The following MYO10 variants were observed in gnomAD, a reference collection of about 807,000 sequenced individuals.
MYO10 encodes the protein myosin X, also known as unconventional myosin-X.
MYO10 carries 133 observed loss-of-function variants against 257.3 expected under a neutral mutation model. The observed-to-expected ratio is 0.52, with a 90% CI of 0.45 to 0.60. The LOEUF (loss-of-function observed/expected upper bound fraction) is 0.60, where lower values mean the gene tolerates loss of function less well. MYO10 is among the 20% of genes least tolerant of loss of function. MYO10 has a pLI of 0.00. For synonymous variants in MYO10, 1,104 were observed against 1,028.6 expected, an observed-to-expected ratio of 1.07 and a Z score of -1.40; for missense variants, 2,399 against 2,635.7, an observed-to-expected ratio of 0.91 and a Z score of 1.97.
At chr5:16,704,995 C>G (rs1225256774) in intron 21 of MYO10, among the ~76,000 whole-genome samples, 1 of 152,194 alleles carries the variant, frequency 6.6e-6, no homozygotes, top group Non-Finnish European at 1.5e-5. Flanking sequence ...CTAAGCTTCT[C>G]AACACTTAAC....
Position 16,712,321 on chromosome 5 carries a change from T to C in MYO10, c.1930-1076A>G, listed in dbSNP as rs146689941. ...GACTTAATGCTCTGAAATGTGTTCTTTTATTTGTTCAGCTGCCAAACAAAC... is the reference window on the plus strand; with the variant it reads ...GACTTAATGCTCTGAAATGTGTTCTCTTATTTGTTCAGCTGCCAAACAAAC... On this transcript the variant is annotated intron_variant, in intron 19 of 40. Coordinates refer to ENST00000513610, the MANE Select transcript of MYO10 (RefSeq NM_012334.3). Among the ~76,000 whole-genome samples the C allele has an allele frequency of 7.0e-3, 1,070 of 152,322 alleles. 4 individuals are homozygous for C. The highest frequency in any genetic ancestry group is 0.012 in the South Asian group (60 of 4,826).
intron 26 of MYO10, among the ~76,000 whole-genome samples, chr5:16,695,783 A>ATG (rs1228141853): frequency 6.6e-6 from 1 of 151,998 alleles, no homozygotes; most frequent in Non-Finnish European, 1.5e-5. Context: ...TAAAGTAAGT[A>ATG]TAATCCTATC....
In MYO10 at chr5:16,670,917, GCAAGAACCTGGAGGTTTT is replaced by G; in HGVS notation, c.5474_5491del (p.Glu1825_Leu1830del). On this transcript the variant is annotated inframe_deletion, in exon 39 of 41. Coordinates refer to ENST00000513610, the MANE Select transcript of MYO10 (RefSeq NM_012334.3). The stretch of plus-strand genomic sequence containing the variant: ...CTGCAGATACTGGAGTCGCAGGGCA[GCAAGAACCTGGAGGTTTT>G]CTTCCGGGGCTGGATGGTGGCCATG... The G allele has an allele frequency of 6.2e-7, 1 of 1,613,834 alleles. No individual in the cohort carries two copies. The highest frequency in any genetic ancestry group is 8.5e-7 in the Non-Finnish European group (1 of 1,179,772).
rs574948897 is a variant in MYO10 at position 16,760,270 on chromosome 5, C to T, written c.1739+1194G>A. 1.6e-3 allele frequency among the ~76,000 whole-genome samples: 231 copies of T among 143,244 alleles called. 1 individual carries two copies. Among genetic ancestry groups the T allele is most frequent in the African/African-American group, 5.6e-3 (214 of 37,908 alleles). 94.0% of individuals were successfully genotyped at this position (143,244 alleles called of 152,430 possible). A position where few individuals can be genotyped will look rare whatever the true frequency, so the allele number is the denominator to read the frequency against. On this transcript the variant is annotated intron_variant, in intron 17 of 40. Coordinates refer to ENST00000513610, the MANE Select transcript of MYO10 (RefSeq NM_012334.3). ...ATGGAGACCATCCTGGCTGACATGGCGAAACCCTGTCTCTACTAAAGATAC... is the reference window on the plus strand; with the variant it reads ...ATGGAGACCATCCTGGCTGACATGGTGAAACCCTGTCTCTACTAAAGATAC...
At chr5:16,799,017 T>C (rs1225585237) in intron 3 of MYO10, among the ~76,000 whole-genome samples, 2 of 152,214 alleles carry the variant, frequency 1.3e-5, no homozygotes, top group Admixed American at 1.3e-4. Flanking sequence ...TCATTTTGCA[T>C]GCCCCATTCA....
chr5:16,756,363 G>T (rs1740528782), intron 18 of MYO10, among the ~76,000 whole-genome samples: 1 of 152,146 alleles, frequency 6.6e-6, no homozygotes, highest in African/African-American at 2.4e-5. Context: ...ACCATGCCCA[G>T]CCCATAAATT....
chr5:16,727,111 T>G (rs1048377878), intron 19 of MYO10, among the ~76,000 whole-genome samples: 3 of 152,218 alleles, frequency 2.0e-5, no homozygotes, highest in African/African-American at 7.2e-5. Flanking sequence ...TTAATCATTT[T>G]GAAATTTATT....
intron 17 of MYO10, among the ~76,000 whole-genome samples, chr5:16,760,688 G>A (rs904786406): frequency 6.6e-6 from 1 of 152,092 alleles, no homozygotes; most frequent in Admixed American, 6.6e-5. Flanking sequence ...AACCAAGGCT[G>A]AAATCAGCTT....
At chr5:16,880,774 T>C (rs1744735411) in intron 1 of MYO10, among the ~76,000 whole-genome samples, 1 of 152,226 alleles carries the variant, frequency 6.6e-6, no homozygotes, top group African/African-American at 2.4e-5. Flanking sequence ...TCAGTCCTGA[T>C]TTCTTTATTA....
intron 27 of MYO10, 27 bp downstream of exon 27, chr5:16,694,344 G>A (rs372376149): frequency 9.1e-5 from 147 of 1,612,990 alleles, no homozygotes; most frequent in Non-Finnish European, 1.1e-4. Flanking sequence ...GCAACCCATC[G>A]GGCCACAGCC....
intron 18 of MYO10, among the ~76,000 whole-genome samples, chr5:16,756,615 T>C (rs2126644776): frequency 6.6e-6 from 1 of 152,296 alleles, no homozygotes; most frequent in South Asian, 2.1e-4. Context: ...CGGCCCTTCA[T>C]ATTTTGATAC....
chr5:16,786,193 G>A (rs1741574701), intron 4 of MYO10, among the ~76,000 whole-genome samples: 1 of 152,090 alleles, frequency 6.6e-6, no homozygotes, highest in Non-Finnish European at 1.5e-5. Flanking sequence ...TGTCATAGCA[G>A]CCAGCCTACC....
intron 18 of MYO10, among the ~76,000 whole-genome samples, chr5:16,755,965 T>C (rs911150738): frequency 6.6e-6 from 1 of 152,178 alleles, no homozygotes; most frequent in Non-Finnish European, 1.5e-5. Flanking sequence ...TCATCACACC[T>C]GAAAAGATGA....
intron 32 of MYO10, among the ~76,000 whole-genome samples, chr5:16,680,543 G>A (rs1051109844): frequency 3.3e-5 from 5 of 152,106 alleles, no homozygotes; most frequent in Admixed American, 3.3e-4. Context: ...TGTGAGTTCA[G>A]AGGCAAGCTG....
chr5:16,829,690 G>A (rs917656460), intron 2 of MYO10, among the ~76,000 whole-genome samples: 3 of 152,150 alleles, frequency 2.0e-5, no homozygotes, highest in Non-Finnish European at 4.4e-5. Context: ...ACATCCAGGG[G>A]CTAGTGTGCC....
chr5:16,869,925 AAGGGGG>A (rs373571341), intron 2 of MYO10, among the ~76,000 whole-genome samples: 3,163 of 105,856 alleles, frequency 0.03, 80 homozygotes, highest in South Asian at 0.037. Context: ...AGGGAAGGGG[AAGGGGG>A]AGGGGGAGGG....
intron 2 of MYO10, among the ~76,000 whole-genome samples, chr5:16,823,467 G>GGTTTTTTTTTTTTTTTT (rs1561003861): frequency 2.5e-4 from 1 of 3,978 alleles, no homozygotes; most frequent in African/African-American, 9.8e-4. Context: ...GGGGAGTGGG[G>GGTTTTTTTTTTTTTTTT]ATTTTTTTTT....
intron 28 of MYO10, among the ~76,000 whole-genome samples, chr5:16,688,304 T>A (rs556235910): frequency 1.3e-5 from 2 of 152,334 alleles, no homozygotes; most frequent in African/African-American, 4.8e-5. Flanking sequence ...TTACCCTTAA[T>A]GTTGCTATCA....
At chr5:16,900,880 C>G (rs552233066) in intron 1 of MYO10, among the ~76,000 whole-genome samples, 1 of 151,960 alleles carries the variant, frequency 6.6e-6, no homozygotes, top group South Asian at 2.1e-4. Context: ...GCTGGGATTA[C>G]AGGCACCCAC....
Sources: gnomAD v4.1 joint callset for allele counts (sites outside exome capture counted in the v4.1 genomes callset) on GRCh38, gnomAD v4.1.1 for gene constraint, MANE v1.5 for transcripts, NCBI Gene and HGNC (gene_info 2026-07-23, HGNC 2026-07-21) for gene names.